Variants in DIP2A observed in about 807,000 individuals in gnomAD.
DIP2A encodes DIP2 acetate--CoA ligase A, also known as disco-interacting protein 2 homolog A.
Under a neutral mutation model 177.4 loss-of-function variants are expected in DIP2A, and 85 were observed. The ratio of observed to expected loss-of-function variants is 0.48; its 90% CI spans 0.40 to 0.57. The LOEUF (loss-of-function observed/expected upper bound fraction) is 0.57, where lower values mean the gene tolerates loss of function less well. Among genes scored for constraint, DIP2A ranks in the 20% least tolerant of loss-of-function variants. The probability of loss-of-function intolerance (pLI) is 0.00; values close to 1 mark genes in which losing one functional copy is unlikely to be tolerated. For synonymous variants in DIP2A, 886 were observed against 881.8 expected, an observed-to-expected ratio of 1.00 and a Z score of -0.08; for missense variants, 1,791 against 2,100.2, an observed-to-expected ratio of 0.85 and a Z score of 2.88.
chr21:46,560,935 A>AG, intron 33 of DIP2A, 152 bp downstream of exon 33: 6 of 985,350 alleles, frequency 6.1e-6, no homozygotes, highest in Non-Finnish European at 7.2e-6. Context: ...GGCACATGAG[A>AG]GGACAGCTGG....
chr21:46,567,876 A>G lies in DIP2A; in HGVS notation c.*254A>G, dbSNP rs2060881735. 9.5e-6 allele frequency: 4 copies of G among 420,182 alleles called. No homozygotes were observed. Among genetic ancestry groups the G allele is most frequent in the African/African-American group, 2.0e-5 (1 of 49,446 alleles). The allele number at this position is 420,182 out of a possible 1,614,324, so 26.0% of individuals were successfully genotyped here. A position where few individuals can be genotyped will look rare whatever the true frequency, so the allele number is the denominator to read the frequency against. On this transcript the variant is annotated 3_prime_UTR_variant, in exon 38 of 38. Coordinates refer to ENST00000417564, the MANE Select transcript of DIP2A (RefSeq NM_015151.4). ...ACAGATGGAGAGACAAGGAAAGGAA[A>G]GGAAAGGCCTGGCATGGGCATTGTG... is the stretch of plus-strand genomic sequence containing the variant.
At chr21:46,549,265 T>C (rs1457955482) in intron 21 of DIP2A, among the ~76,000 whole-genome samples, 3 of 151,900 alleles carry the variant, frequency 2.0e-5, no homozygotes, top group Admixed American at 2.0e-4. Flanking sequence ...TCTTACTTTA[T>C]GAAAGAAAAG....
chr21:46,494,761 C>T (rs1165385934), intron 3 of DIP2A, among the ~76,000 whole-genome samples: 1 of 152,004 alleles, frequency 6.6e-6, no homozygotes, highest in East Asian at 1.9e-4. Flanking sequence ...TGTTTCAGTC[C>T]ATTTTAGTAT....
At chr21:46,496,589 AT>A (rs1219936327) in intron 3 of DIP2A, among the ~76,000 whole-genome samples, 2 of 152,216 alleles carry the variant, frequency 1.3e-5, no homozygotes, top group East Asian at 1.9e-4. Flanking sequence ...TTGCAAAAAA[AT>A]CTCATAATGT....
At position 46,538,555 on chromosome 21, in the gene DIP2A, G is replaced by A. The variant is rs770033392; in HGVS notation, c.1874G>A (p.Ser625Asn). 1.9e-6 allele frequency: 3 copies of A among 1,565,294 alleles called. No individual in the cohort carries two copies. The highest frequency in any genetic ancestry group is 2.6e-6 in the Non-Finnish European group (3 of 1,157,222). ...GCTCAGCGGGGCCAGAGGGACGTCAGCCTCAGCTCACTGCGCATGCTGATT... is the reference window on the plus strand; with the variant it reads ...GCTCAGCGGGGCCAGAGGGACGTCAACCTCAGCTCACTGCGCATGCTGATT... Reference protein sequence around the residue: ...LLAQRGQRDVSLSSLRMLIVA... With the variant: ...LLAQRGQRDVNLSSLRMLIVA... The change falls in exon 16 of 38, where the codon AGC (serine) becomes AAC (asparagine). Residue 625 changes from serine (S) to asparagine (N), a missense_variant. Physicochemically the swap from Ser to Asn is conservative, Grantham distance 46 (BLOSUM62 1). Transcript: ENST00000417564.
rs1402401898 is a variant in DIP2A at position 46,561,855 on chromosome 21, T to C, written c.4089+50T>C. 4 of 1,609,412 alleles carry C rather than the reference T, an allele frequency of 2.5e-6. No homozygotes were observed. In the South Asian group the frequency reaches 3.3e-5, roughly 13 times the overall value. ...TTCTGAGTCGCGTCTGAGACCTTTG[T>C]CTGAAGCATCACCCCGTGGAGGGTG... On this transcript the variant is annotated intron_variant, in intron 34 of 37. Transcript: ENST00000417564.
At chr21:46,486,202 A>T (rs1472225393) in intron 2 of DIP2A, among the ~76,000 whole-genome samples, 1 of 152,096 alleles carries the variant, frequency 6.6e-6, no homozygotes, top group Non-Finnish European at 1.5e-5. Flanking sequence ...AACACCAGCC[A>T]TGTATGATGA....
Position 46,556,412 on chromosome 21 carries a change from G to C in DIP2A, c.3498+321G>C. ...AATTAAAATTTTTCAGGCGGGGCGTGGTGGCTCACGCCTGTAATCCCAGCA... is the reference window on the plus strand; with the variant it reads ...AATTAAAATTTTTCAGGCGGGGCGTCGTGGCTCACGCCTGTAATCCCAGCA... On this transcript the variant is annotated intron_variant, in intron 29 of 37. Coordinates refer to ENST00000417564, the MANE Select transcript of DIP2A (RefSeq NM_015151.4). The surrounding 1 kb of genome is among the most constrained non-coding windows in gnomAD (Gnocchi z 4.5). 7.5e-7 allele frequency: 1 copy of C among 1,334,022 alleles called. No individual in the cohort carries two copies. The allele number at this position is 1,334,022 out of a possible 1,614,324, so 82.6% of individuals were successfully genotyped here.
chr21:46,547,646 A>G (rs2060107498), intron 21 of DIP2A, among the ~76,000 whole-genome samples: 1 of 136,324 alleles, frequency 7.3e-6, no homozygotes, highest in Non-Finnish European at 1.6e-5. Context: ...TATTTTTCTC[A>G]AGGGGGTGCC....
intron 2 of DIP2A, 54 bp downstream of exon 2, chr21:46,484,882 T>A: frequency 6.8e-7 from 1 of 1,460,142 alleles, no homozygotes; most frequent in Non-Finnish European, 9.1e-7. Context: ...TCATAACATG[T>A]GATTTTTAAA....
intron 6 of DIP2A, among the ~76,000 whole-genome samples, chr21:46,505,811 A>G (rs1297938216): frequency 6.6e-6 from 1 of 152,192 alleles, no homozygotes; most frequent in East Asian, 1.9e-4. Context: ...AATTTTATAT[A>G]AAAGGAATCA....
At chr21:46,460,174 C>T (rs1295335046) in intron 1 of DIP2A, among the ~76,000 whole-genome samples, 1 of 151,952 alleles carries the variant, frequency 6.6e-6, no homozygotes, top group Non-Finnish European at 1.5e-5. Flanking sequence ...AGTTGTTAGC[C>T]CCCTCATGGA....
intron 25 of DIP2A, chr21:46,553,465 G>A (rs910428770): frequency 6.6e-6 from 1 of 152,310 alleles, no homozygotes; most frequent in African/African-American, 2.4e-5. Context: ...AGGGTTACCA[G>A]GTATTTCTGT....
intron 1 of DIP2A, among the ~76,000 whole-genome samples, chr21:46,479,221 A>T (rs2056159667): frequency 1.3e-5 from 2 of 152,156 alleles, no homozygotes; most frequent in Non-Finnish European, 2.9e-5. Context: ...TTTTGACTTC[A>T]CTTGGCCCTC....
At chr21:46,539,794 C>T (rs557737983) in intron 16 of DIP2A, 83 bp from the exon 17 acceptor site, 26 of 1,161,368 alleles carry the variant, frequency 2.2e-5, no homozygotes, top group East Asian at 1.4e-4. Flanking sequence ...CCGCAGGCTG[C>T]GCTAACTTGA....
chr21:46,541,849 G>C lies in DIP2A; in HGVS notation c.2130G>C (p.Lys710Asn). 6.2e-7 allele frequency: 1 copy of C among 1,614,060 alleles called. No homozygotes were observed. Among genetic ancestry groups the C allele is most frequent in the Non-Finnish European group, 8.5e-7 (1 of 1,179,900 alleles). The stretch of plus-strand genomic sequence containing the variant: ...TTATCAGAGTGGATACTGAAGAAAA[G>C]TTGTCAGTCCTTACTGTTCAGGACG... ...YGVIRVDTEE[K>N]LSVLTVQDVG... is the part of the protein sequence containing the mutation. The change falls in exon 18 of 38, where the codon AAG becomes AAC. Residue 710 changes from lysine to asparagine, a missense_variant. Transcript: ENST00000417564.
intron 34 of DIP2A, among the ~76,000 whole-genome samples, chr21:46,562,421 C>G (rs959806822): frequency 4.6e-5 from 7 of 152,162 alleles, no homozygotes; most frequent in Non-Finnish European, 1.5e-5. Flanking sequence ...AGTCGGGGAC[C>G]CTGGTGCCTT....
intron 1 of DIP2A, among the ~76,000 whole-genome samples, chr21:46,472,364 A>G (rs908776907): frequency 6.6e-6 from 1 of 152,238 alleles, no homozygotes; most frequent in Non-Finnish European, 1.5e-5. Flanking sequence ...ACAGACGGAC[A>G]CTCAGTGTGT....
At chr21:46,577,364 C>T in the DIP2A span, among the ~76,000 whole-genome samples, 1 of 152,108 alleles carries the variant, frequency 6.6e-6, no homozygotes, top group Non-Finnish European at 1.5e-5. Context: ...GCCAGTTCTC[C>T]CAGCACCATT....
Sources: allele counts gnomAD v4.1 joint callset (sites outside exome capture counted in the v4.1 genomes callset), GRCh38; gene constraint gnomAD v4.1.1; non-coding constraint Gnocchi (gnomAD v3.1); transcripts MANE v1.5; gene names NCBI Gene and HGNC (gene_info 2026-07-23, HGNC 2026-07-21).